The following G2E3 variants were observed in gnomAD, a reference collection of about 807,000 sequenced individuals.
G2E3 encodes G2/M phase-specific E3 ubiquitin-protein ligase.
Under a neutral mutation model 92.8 loss-of-function variants are expected in G2E3, and 35 were observed. The observed-to-expected ratio is 0.38, with a 90% CI of 0.29 to 0.50. The LOEUF (loss-of-function observed/expected upper bound fraction) is 0.50, where lower values mean the gene tolerates loss of function less well. Among genes scored for constraint, G2E3 ranks in the 20% least tolerant of loss-of-function variants. The pLI is 0.94. For missense variants in G2E3, 554 were observed against 823.8 expected, an observed-to-expected ratio of 0.67 and a Z score of 4.01; for synonymous variants, 242 against 272.4, an observed-to-expected ratio of 0.89 and a Z score of 1.10.
intron 1 of G2E3, among the ~76,000 whole-genome samples, chr14:30,562,111 G>C (rs971027554): frequency 6.6e-6 from 1 of 151,786 alleles, no homozygotes; most frequent in Non-Finnish European, 1.5e-5. Context: ...AAGAAACTGA[G>C]GCACCAAAAG....
At chr14:30,605,942 A>T (rs1038692864) in intron 11 of G2E3, 130 bp downstream of exon 11, 1 of 472,250 alleles carries the variant, frequency 2.1e-6, no homozygotes, top group Admixed American at 3.9e-5. Context: ...TAAACTACTG[A>T]TAGAATCACA....
intron 12 of G2E3, 82 bp from the exon 13 acceptor site, chr14:30,612,125 T>C: frequency 1.0e-6 from 1 of 955,210 alleles, no homozygotes; most frequent in East Asian, 2.4e-5. Flanking sequence ...AATTTGAGTA[T>C]AAATTAACAA....
intron 1 of G2E3, among the ~76,000 whole-genome samples, chr14:30,580,391 A>G (rs538385084): frequency 4.6e-5 from 7 of 152,194 alleles, no homozygotes; most frequent in Middle Eastern, 3.4e-3. Context: ...TTTTTGGTAG[A>G]AACAGGGTTT....
chr14:30,594,557 G>A (rs941020347), intron 6 of G2E3, among the ~76,000 whole-genome samples: 13 of 151,974 alleles, frequency 8.6e-5, no homozygotes, highest in Non-Finnish European at 1.9e-4. Flanking sequence ...GCCGGGCATG[G>A]TGGCGGGTGC....
intron 2 of G2E3, among the ~76,000 whole-genome samples, chr14:30,583,804 A>G (rs1880561531): frequency 6.6e-6 from 1 of 152,200 alleles, no homozygotes; most frequent in South Asian, 2.1e-4. Context: ...GTTGAGTCTT[A>G]ACTCAGGTCT....
chr14:30,616,005 G>A (rs897433110), intron 14 of G2E3, among the ~76,000 whole-genome samples: 3 of 152,024 alleles, frequency 2.0e-5, no homozygotes, highest in African/African-American at 7.2e-5. Context: ...TAGATTTTTG[G>A]TTTTTTACCG....
chr14:30,587,901 ACT>A (rs1418011184), intron 3 of G2E3, among the ~76,000 whole-genome samples: 2 of 152,184 alleles, frequency 1.3e-5, no homozygotes, highest in African/African-American at 4.8e-5. Context: ...AGTAGCCCAC[ACT>A]CAAGAGGAAT....
chr14:30,613,317 TA>T (rs987107171), intron 13 of G2E3, among the ~76,000 whole-genome samples: 4 of 152,058 alleles, frequency 2.6e-5, no homozygotes, highest in Non-Finnish European at 5.9e-5. Context: ...TAAATTCATT[TA>T]AAAAAAAGTA....
intron 1 of G2E3, among the ~76,000 whole-genome samples, chr14:30,569,666 C>T (rs191641614): frequency 6.6e-6 from 1 of 152,220 alleles, no homozygotes; most frequent in East Asian, 1.9e-4. Flanking sequence ...TATTTAGAGC[C>T]TGACTTGGTC....
chr14:30,600,386 G>C (rs1017014672), intron 8 of G2E3, among the ~76,000 whole-genome samples: 1 of 152,112 alleles, frequency 6.6e-6, no homozygotes, highest in Non-Finnish European at 1.5e-5. Flanking sequence ...TTAGAAGGCA[G>C]AGATCTCATT....
At chr14:30,600,375 C>A (rs1736646230) in intron 8 of G2E3, among the ~76,000 whole-genome samples, 1 of 152,086 alleles carries the variant, frequency 6.6e-6, no homozygotes, top group African/African-American at 2.4e-5. Flanking sequence ...ACCAAAAATT[C>A]TTAGAAGGCA....
intron 1 of G2E3, among the ~76,000 whole-genome samples, chr14:30,570,475 T>A (rs1263094159): frequency 6.6e-6 from 1 of 152,146 alleles, no homozygotes; most frequent in Non-Finnish European, 1.5e-5. Context: ...TAAGCATATA[T>A]TGGTATACTT....
chr14:30,578,494 A>G (rs1880243020), intron 1 of G2E3, among the ~76,000 whole-genome samples: 1 of 152,202 alleles, frequency 6.6e-6, no homozygotes, highest in Admixed American at 6.5e-5. Flanking sequence ...AACAAGAGGG[A>G]CCACAGGGCT....
intron 12 of G2E3, among the ~76,000 whole-genome samples, chr14:30,609,997 G>T (rs976383994): frequency 5.1e-4 from 77 of 152,260 alleles, no homozygotes; most frequent in Admixed American, 9.2e-4. Context: ...TCTTCCAAAA[G>T]TACAGTTTTG....
At chr14:30,607,361 G>T (rs1415828372) in intron 11 of G2E3, among the ~76,000 whole-genome samples, 1 of 152,124 alleles carries the variant, frequency 6.6e-6, no homozygotes, top group Non-Finnish European at 1.5e-5. Context: ...AGTTGGTGTA[G>T]CCTACTACAC....
In G2E3 at chr14:30,611,007, T is replaced by TA. The variant is rs1253006196; in HGVS notation, c.1501-1199dup. Among the ~76,000 whole-genome samples, 6 of 152,238 alleles carry TA rather than the reference T, an allele frequency of 3.9e-5. No individual in the cohort carries two copies. The East Asian group carries it at 1.2e-3, about 29-fold the overall frequency. On this transcript the variant is annotated intron_variant, in intron 12 of 14. Transcript: ENST00000206595. ...TACAGATGGCCCTCTGTTTTCGAGA[T>TA]AGAGTTGTGATTTACAAAACCGTCT... is the stretch of plus-strand genomic sequence containing the variant.
intron 1 of G2E3, among the ~76,000 whole-genome samples, chr14:30,565,459 AATTT>A (rs770872191): frequency 6.6e-6 from 1 of 151,906 alleles, no homozygotes; most frequent in Non-Finnish European, 1.5e-5. Context: ...GGTAAAGTTC[AATTT>A]ATTTTTTTCT....
At chr14:30,594,051 T>A (rs946924976) in intron 6 of G2E3, among the ~76,000 whole-genome samples, 1 of 152,186 alleles carries the variant, frequency 6.6e-6, no homozygotes, top group Non-Finnish European at 1.5e-5. Context: ...TTCTTCCCAA[T>A]GGTAAGCACT....
At chr14:30,562,699 A>C (rs1290322821) in intron 1 of G2E3, among the ~76,000 whole-genome samples, 2 of 152,112 alleles carry the variant, frequency 1.3e-5, no homozygotes, top group East Asian at 3.9e-4. Context: ...TGGAGGCCTA[A>C]CCGTCTCCCT....
Sources: gnomAD v4.1 joint callset for allele counts (sites outside exome capture counted in the v4.1 genomes callset) on GRCh38, gnomAD v4.1.1 for gene constraint, MANE v1.5 for transcripts, NCBI Gene and HGNC (gene_info 2026-07-23, HGNC 2026-07-21) for gene names.